Variants in CSMD1 observed in about 807,000 individuals in gnomAD.
The protein encoded by CSMD1 is CUB and sushi domain-containing protein 1.
In CSMD1, 213 loss-of-function variants were observed where a neutral mutation model predicts 417.5. The ratio of observed to expected loss-of-function variants is 0.51; its 90% confidence interval spans 0.46 to 0.57. The LOEUF (loss-of-function observed/expected upper bound fraction) is 0.57, where lower values mean the gene tolerates loss of function less well. Among genes scored for constraint, CSMD1 ranks in the 20% least tolerant of loss-of-function variants. CSMD1 has a pLI of 0.00. For synonymous variants in CSMD1, 2,862 were observed against 1,736.8 expected (o/e 1.65, Z -16.11); for missense variants, 6,923 against 4,529.7 (o/e 1.53, Z -15.17).
chr8:3,966,780 T>C (rs992966539), intron 5 of CSMD1, among the ~76,000 whole-genome samples: 1 of 151,946 alleles, frequency 6.6e-6, no homozygotes, highest in Non-Finnish European at 1.5e-5. Flanking sequence ...CACACTGATT[T>C]ATAGGTCTTA....
At chr8:3,158,068 TATAA>T (rs1240064342) in intron 38 of CSMD1, 102 bp from the exon 39 acceptor site, 2 of 988,476 alleles carry the variant, frequency 2.0e-6, no homozygotes, top group Non-Finnish European at 3.0e-6. Flanking sequence ...TTGTTTTAAT[TATAA>T]ATATTTGAAA....
chr8:3,840,344 C>G (rs1364433542), intron 5 of CSMD1, among the ~76,000 whole-genome samples: 1 of 152,036 alleles, frequency 6.6e-6, no homozygotes, highest in Non-Finnish European at 1.5e-5. Flanking sequence ...ACAGAAATAT[C>G]CTTGAAAACT....
rs148575223 is a variant in CSMD1, at chr8:3,602,880, T to G, written c.1097+13830A>C. Among the ~76,000 whole-genome samples, 54 of 152,308 alleles carry G rather than the reference T, an allele frequency of 3.5e-4. 2 individuals are homozygous for G. The East Asian group carries it at 6.4e-3, about 18-fold the overall frequency. ...TCAACTATGTTTTGTATTTTGAAGC[T>G]AACAAATTAATATAGGCTCAAGTAA... On this transcript the variant is annotated intron_variant, in intron 8 of 69. Coordinates refer to ENST00000635120, the MANE Select transcript of CSMD1 (RefSeq NM_033225.6).
intron 30 of CSMD1, among the ~76,000 whole-genome samples, chr8:3,210,848 A>G (rs1206898441): frequency 6.6e-6 from 1 of 152,036 alleles, no homozygotes; most frequent in Non-Finnish European, 1.5e-5. Flanking sequence ...AATATAAATT[A>G]AATGCCTTTT....
intron 3 of CSMD1, among the ~76,000 whole-genome samples, chr8:4,357,797 G>T (rs1039850921): frequency 3.3e-5 from 5 of 152,108 alleles, no homozygotes; most frequent in Admixed American, 6.6e-5. Flanking sequence ...GGGAGACAGA[G>T]GAGGAGAAAT....
intron 3 of CSMD1, among the ~76,000 whole-genome samples, chr8:4,399,585 C>A (rs1352612865): frequency 2.0e-5 from 3 of 151,992 alleles, no homozygotes; most frequent in Non-Finnish European, 4.4e-5. Context: ...TTTATACCAC[C>A]CCTGGATCTT....
intron 27 of CSMD1, among the ~76,000 whole-genome samples, chr8:3,229,375 T>C (rs1798696568): frequency 6.6e-6 from 1 of 152,230 alleles, no homozygotes; most frequent in African/African-American, 2.4e-5. Flanking sequence ...GAATATTTTA[T>C]TGAATGAAGA....
At chr8:4,682,236 C>T (rs749350184) in intron 1 of CSMD1, among the ~76,000 whole-genome samples, 2 of 151,996 alleles carry the variant, frequency 1.3e-5, no homozygotes, top group African/African-American at 2.4e-5. Flanking sequence ...CACTATGTTG[C>T]CCAGGCTGGT....
chr8:4,680,764 G>C (rs866158472), intron 1 of CSMD1, among the ~76,000 whole-genome samples: 1 of 152,058 alleles, frequency 6.6e-6, no homozygotes, highest in Non-Finnish European at 1.5e-5. Flanking sequence ...ATTTTTAGTA[G>C]AGACGAGGTT....
intron 2 of CSMD1, among the ~76,000 whole-genome samples, chr8:4,444,914 A>G (rs909634558): frequency 5.9e-5 from 9 of 152,180 alleles, no homozygotes; most frequent in African/African-American, 1.9e-4. Flanking sequence ...CAGGTCTTAC[A>G]TATTTGCTCC....
At chr8:3,678,414 A>G (rs903976606) in intron 7 of CSMD1, among the ~76,000 whole-genome samples, 1 of 152,198 alleles carries the variant, frequency 6.6e-6, no homozygotes, top group African/African-American at 2.4e-5. Flanking sequence ...AGCCGATTCG[A>G]TCAACTGGAA....
At position 4,017,399 on chromosome 8, in the gene CSMD1, G is replaced by A. The variant is rs753475096; in HGVS notation, c.610+14506C>T. 2.3e-4 allele frequency among the ~76,000 whole-genome samples: 35 copies of A among 152,184 alleles called. No homozygotes were observed. In the South Asian group the frequency reaches 3.1e-3, roughly 14 times the overall value. ...TGGCTCACTACAACCTCCGCCTCCC[G>A]GGTTCAATCGATTCTCCTGCCTCAC... On this transcript the variant is annotated intron_variant, in intron 4 of 69. Transcript: ENST00000635120.
intron 4 of CSMD1, 90 bp from the exon 5 acceptor site, chr8:3,998,200 A>G (rs2130342398): frequency 8.3e-7 from 1 of 1,204,750 alleles, no homozygotes; most frequent in Admixed American, 2.5e-5. Context: ...TTGATCAGCG[A>G]CAAATATTTT....
At chr8:4,955,103 A>T (rs1809002212) in intron 1 of CSMD1, among the ~76,000 whole-genome samples, 1 of 152,248 alleles carries the variant, frequency 6.6e-6, no homozygotes, top group African/African-American at 2.4e-5. Flanking sequence ...AGCATCACAG[A>T]AATGGCTTTA....
intron 5 of CSMD1, among the ~76,000 whole-genome samples, chr8:3,970,663 G>A (rs188250247): frequency 1.3e-5 from 2 of 152,318 alleles, no homozygotes; most frequent in Admixed American, 1.3e-4. Context: ...ACATCAAGTA[G>A]CACGTGGAAC....
chr8:3,957,137 T>C (rs1465897025), intron 5 of CSMD1, among the ~76,000 whole-genome samples: 3 of 116,826 alleles, frequency 2.6e-5, no homozygotes, highest in Non-Finnish European at 5.7e-5. Context: ...GCCCTGCCTC[T>C]TTCTCCCCCT....
intron 3 of CSMD1, among the ~76,000 whole-genome samples, chr8:4,056,657 G>C (rs1206339057): frequency 1.3e-5 from 2 of 151,834 alleles, no homozygotes; most frequent in African/African-American, 2.4e-5. Flanking sequence ...TTAGCATTAG[G>C]TATATCTCCT....
intron 25 of CSMD1, among the ~76,000 whole-genome samples, chr8:3,291,072 T>G (rs147607403): frequency 0.039 from 5,974 of 152,144 alleles, 406 homozygotes; most frequent in African/African-American, 0.14. Context: ...TTCTGCATCT[T>G]TTGAGATAAT....
intron 3 of CSMD1, among the ~76,000 whole-genome samples, chr8:4,145,581 G>T (rs549111304): frequency 6.6e-6 from 1 of 150,888 alleles, no homozygotes; most frequent in Non-Finnish European, 1.5e-5. Flanking sequence ...TGGAGAGACG[G>T]TCTCACCATG....
Sources: allele counts gnomAD v4.1 joint callset (sites outside exome capture counted in the v4.1 genomes callset), GRCh38; gene constraint gnomAD v4.1.1; transcripts MANE v1.5; gene names NCBI Gene and HGNC (gene_info 2026-07-23, HGNC 2026-07-21).